ZNF705G: variants seen among roughly 807,000 people sequenced by gnomAD.
The protein encoded by ZNF705G is zinc finger protein 705G.
Under a neutral mutation model 19.6 loss-of-function variants are expected in ZNF705G, and 23 were observed. The ratio of observed to expected loss-of-function variants is 1.17; its 90% CI spans 0.84 to 1.66. ZNF705G has a LOEUF of 1.66. ZNF705G is among the 40% of genes most tolerant of loss of function. The pLI, the probability that ZNF705G is intolerant of heterozygous loss-of-function variation, is 0.00. For synonymous variants in ZNF705G, 146 were observed against 117.7 expected (o/e 1.24, Z -1.56); for missense variants, 457 against 354.4 (o/e 1.29, Z -2.32).
At chr8:7,359,504 T>A (rs1806469156) in intron 6 of ZNF705G, 115 bp downstream of exon 6, 1 of 1,539,408 alleles carries the variant, frequency 6.5e-7, no homozygotes. Flanking sequence ...TTTTTTTGCT[T>A]AGAAAACACT....
intron 2 of ZNF705G, among the ~76,000 whole-genome samples, chr8:7,368,781 AT>A (rs1237994510): frequency 6.7e-6 from 1 of 149,612 alleles, no homozygotes; most frequent in Non-Finnish European, 1.5e-5. Context: ...GCTCACAGCA[AT>A]CTAGGTCTCA....
At position 7,370,013 on chromosome 8, in the gene ZNF705G, A is replaced by C. The variant is rs186391223; in HGVS notation, c.-71-6996T>G. ...AATGTGCCAGTGTAAAAACCTGCAC[A>C]TACATCTCCTGAATCTAAAATAAAA... On this transcript the variant is annotated intron_variant, in intron 2 of 6. Transcript: ENST00000400156. 5.4e-4 allele frequency among the ~76,000 whole-genome samples: 80 copies of C among 147,474 alleles called. 10 individuals carry two copies. Among genetic ancestry groups the C allele is most frequent in the African/African-American group, 2.0e-3 (76 of 37,338 alleles).
intron 4 of ZNF705G, among the ~76,000 whole-genome samples, 181 bp downstream of exon 4, chr8:7,360,929 T>C (rs1806554450): frequency 6.7e-6 from 1 of 149,558 alleles, no homozygotes; most frequent in South Asian, 2.1e-4. Context: ...CTAAATAAAA[T>C]AAAATAAAAA....
chr8:7,361,287 C>A, intron 3 of ZNF705G, 51 bp from the exon 4 acceptor site: 1 of 1,592,088 alleles, frequency 6.3e-7, no homozygotes, highest in Non-Finnish European at 8.5e-7. Flanking sequence ...CTTTCAATGT[C>A]CGGAAGAGGA....
chr8:7,381,053 A>C (rs1203812424), intron 2 of ZNF705G, among the ~76,000 whole-genome samples: 1 of 133,058 alleles, frequency 7.5e-6, no homozygotes, highest in Non-Finnish European at 1.5e-5. Flanking sequence ...AAAAAAAAAA[A>C]CACAACACAT....
At position 7,357,734 on chromosome 8, in the gene ZNF705G, T is replaced by C; in HGVS notation, c.*242A>G. On this transcript the variant is annotated 3_prime_UTR_variant, in exon 7 of 7. Transcript: ENST00000400156. Reference sequence around the variant, plus strand: ...TCTTCCATGTTGATTACAGTATTTCTTCAAAATGTGAGTCCTTTGGCATGT... The same window carrying C: ...TCTTCCATGTTGATTACAGTATTTCCTCAAAATGTGAGTCCTTTGGCATGT... The C allele has an allele frequency of 1.4e-6, 1 of 722,226 alleles. No individual in the cohort carries two copies. Among genetic ancestry groups the C allele is most frequent in the Non-Finnish European group, 2.2e-6 (1 of 461,432 alleles). 44.7% of individuals were successfully genotyped at this position (722,226 alleles called of 1,614,324 possible). A position where few individuals can be genotyped will look rare whatever the true frequency, so the allele number is the denominator to read the frequency against.
Position 7,359,603 on chromosome 8 carries a change from C to A in ZNF705G, c.318+16G>T, listed in dbSNP as rs1179052708. 6 of 1,605,568 alleles carry A rather than the reference C, an allele frequency of 3.7e-6. No individual in the cohort carries two copies. The Admixed American group carries it at 6.7e-5, about 18-fold the overall frequency. ...CTTTAACTTAGATGACTGGTGTACA[C>A]AGCTATAAAACTTACCATTGTCATA... On this transcript the variant is annotated intron_variant, in intron 6 of 6. Coordinates refer to ENST00000400156, the MANE Select transcript of ZNF705G (RefSeq NM_001164457.3).
chr8:7,384,647 C>G (rs1284030814), intron 1 of ZNF705G, among the ~76,000 whole-genome samples: 1 of 144,982 alleles, frequency 6.9e-6, no homozygotes, highest in East Asian at 1.9e-4. Flanking sequence ...CTTTTAGGGC[C>G]CATGGAATTA....
At chr8:7,367,980 A>G (rs1806936695) in intron 2 of ZNF705G, among the ~76,000 whole-genome samples, 1 of 149,584 alleles carries the variant, frequency 6.7e-6, no homozygotes, top group South Asian at 2.1e-4. Context: ...GAACTTATCT[A>G]CCTTCCAAGG....
intron 1 of ZNF705G, among the ~76,000 whole-genome samples, chr8:7,382,021 G>T (rs1393481457): frequency 6.6e-6 from 1 of 152,314 alleles, no homozygotes; most frequent in East Asian, 1.9e-4. Context: ...ATTTCTACAT[G>T]TATGTGGCTA....
intron 2 of ZNF705G, among the ~76,000 whole-genome samples, chr8:7,363,526 G>T (rs1315167479): frequency 1.9e-4 from 29 of 149,778 alleles, no homozygotes; most frequent in Admixed American, 1.9e-3. Context: ...AATCAAGTAA[G>T]AATCTGTTTT....
intron 5 of ZNF705G, 108 bp downstream of exon 5, chr8:7,360,129 A>C: frequency 7.7e-7 from 1 of 1,304,832 alleles, no homozygotes; most frequent in South Asian, 1.3e-5. Flanking sequence ...CCTAACCTAC[A>C]TTTTAGAAAT....
rs551509054 is a variant in ZNF705G at position 7,371,143 on chromosome 8, C to T, written c.-71-8126G>A. On this transcript the variant is annotated intron_variant, in intron 2 of 6. Transcript: ENST00000400156. ...AATATTGTTCAGTGTTACATAATAA[C>T]GAAACCCTGTCATTTGTGACAACAT... Among the ~76,000 whole-genome samples the T allele has an allele frequency of 1.6e-3, 222 of 141,484 alleles. 1 individual carries two copies. The highest frequency in any genetic ancestry group is 4.7e-3 in the African/African-American group (169 of 35,914). The allele number at this position is 141,484 out of a possible 152,430, so 92.8% of individuals were successfully genotyped here. A position where few individuals can be genotyped will look rare whatever the true frequency, so the allele number is the denominator to read the frequency against.
intron 3 of ZNF705G, among the ~76,000 whole-genome samples, chr8:7,362,468 T>C (rs1173698657): frequency 6.7e-6 from 1 of 149,658 alleles, no homozygotes; most frequent in Non-Finnish European, 1.5e-5. Context: ...AGACTCATTG[T>C]TGGGCTGTGA....
At chr8:7,380,408 G>T (rs1264053162) in intron 2 of ZNF705G, among the ~76,000 whole-genome samples, 1 of 147,606 alleles carries the variant, frequency 6.8e-6, no homozygotes, top group Non-Finnish European at 1.5e-5. Flanking sequence ...CACCCAGCCT[G>T]GTGGTGCCTG....
In ZNF705G at chr8:7,361,109, C is replaced by A. The variant is rs1385747412; in HGVS notation, c.139+1G>T. 3 of 1,592,472 alleles carry A rather than the reference C, an allele frequency of 1.9e-6. 1 individual carries two copies. Among genetic ancestry groups the A allele is most frequent in the Non-Finnish European group, 2.5e-6 (3 of 1,179,410 alleles). On this transcript the variant is annotated splice_donor_variant, in intron 4 of 6. Coordinates refer to ENST00000400156, the MANE Select transcript of ZNF705G (RefSeq NM_001164457.3). LOFTEE classifies it high-confidence loss of function. The stretch of plus-strand genomic sequence containing the variant: ...ATGTACATGAATGTTCAGGGACTCA[C>A]CGAGGGACACCAGGTGACTGATATT...
intron 2 of ZNF705G, among the ~76,000 whole-genome samples, chr8:7,371,055 G>T (rs77123081): frequency 7.2e-6 from 1 of 138,034 alleles, no homozygotes; most frequent in African/African-American, 2.9e-5. Flanking sequence ...ACACACTGGG[G>T]CCTGTTGGGA....
At position 7,356,819 on chromosome 8, in the gene ZNF705G, C is replaced by G. The variant is rs1171162726; in HGVS notation, c.*1157G>C. On this transcript the variant is annotated 3_prime_UTR_variant, in exon 7 of 7. Transcript: ENST00000400156. ...AGTTTTTTCAACAACAGATTGTATT[C>G]TTTCAATATTTGTAAGTATTGATCT... 1 of 149,790 alleles carries G rather than the reference C, an allele frequency of 6.7e-6. No homozygotes were observed. Among genetic ancestry groups the G allele is most frequent in the Non-Finnish European group, 1.5e-5 (1 of 68,018 alleles). 9.3% of individuals were successfully genotyped at this position (149,790 alleles called of 1,614,324 possible). A position where few individuals can be genotyped will look rare whatever the true frequency, so the allele number is the denominator to read the frequency against.
intron 2 of ZNF705G, among the ~76,000 whole-genome samples, chr8:7,378,937 AG>A (rs1377379829): frequency 2.0e-5 from 3 of 147,708 alleles, no homozygotes; most frequent in Non-Finnish European, 2.9e-5. Context: ...CGGGAGACAG[AG>A]GGGACATTAT....
Sources: gnomAD v4.1 joint callset for allele counts (sites outside exome capture counted in the v4.1 genomes callset) on GRCh38, gnomAD v4.1.1 for gene constraint, MANE v1.5 for transcripts, NCBI Gene and HGNC (gene_info 2026-07-23, HGNC 2026-07-21) for gene names.